STARD6: variants seen among roughly 807,000 people sequenced by gnomAD.
STARD6 encodes stAR-related lipid transfer protein 6.
A neutral mutation model predicts 22.3 loss-of-function variants in STARD6; 21 were observed. That is an observed-to-expected ratio of 0.94 (90% CI 0.67 to 1.35). The LOEUF (loss-of-function observed/expected upper bound fraction) is 1.35. Among genes scored for constraint, STARD6 ranks in the 40% most tolerant of loss-of-function variants. The pLI is 0.00. For synonymous variants in STARD6, 80 were observed against 88.1 expected, an observed-to-expected ratio of 0.91 and a Z score of 0.52; for missense variants, 269 against 266.9, an observed-to-expected ratio of 1.01 and a Z score of -0.05.
chr18:54,353,835 G>T, intron 4 of STARD6: 1 of 341,908 alleles, frequency 2.9e-6, no homozygotes. Context: ...GTAATTAGAA[G>T]AGATTTTTTA....
chr18:54,345,976 T>C (rs1262056080), intron 4 of STARD6, among the ~76,000 whole-genome samples: 1 of 152,136 alleles, frequency 6.6e-6, no homozygotes, highest in Non-Finnish European at 1.5e-5. Flanking sequence ...CATAAATTCT[T>C]AGGGATAAAT....
chr18:54,332,831 A>G (rs1277638369), intron 5 of STARD6, among the ~76,000 whole-genome samples: 1 of 152,090 alleles, frequency 6.6e-6, no homozygotes, highest in Non-Finnish European at 1.5e-5. Context: ...CTTGAGCCCA[A>G]GAGTTTGAGG....
At chr18:54,330,261 A>C (rs1446713746) in intron 6 of STARD6, among the ~76,000 whole-genome samples, 1 of 152,034 alleles carries the variant, frequency 6.6e-6, no homozygotes, top group Admixed American at 6.6e-5. Flanking sequence ...TTCCATTTTT[A>C]TGACTTATAT....
intron 4 of STARD6, among the ~76,000 whole-genome samples, chr18:54,340,335 T>C (rs1449900856): frequency 6.6e-6 from 1 of 152,158 alleles, no homozygotes; most frequent in Non-Finnish European, 1.5e-5. Context: ...TTTGTATACA[T>C]CTGCAGTAGA....
At chr18:54,340,441 G>T (rs1208747089) in intron 4 of STARD6, among the ~76,000 whole-genome samples, 3 of 151,990 alleles carry the variant, frequency 2.0e-5, no homozygotes, top group African/African-American at 7.2e-5. Context: ...AATTAAAGAT[G>T]ATACACTTGA....
At position 54,331,785 on chromosome 18, in the gene STARD6, T is replaced by C. The variant is rs1402973814; in HGVS notation, c.342A>G (p.Leu114=). The change falls in exon 6 of 8, where the codon TTA becomes TTG. Residue 114 remains leucine (L), a synonymous_variant. Coordinates refer to ENST00000307844, the MANE Select transcript of STARD6 (RefSeq NM_139171.2). The stretch of plus-strand genomic sequence containing the variant: ...TTCCTTCGTAGCGCTTGATGTACAC[T>C]AAGTCGATAAAGTCTCGAGGGGAAA... ...GSISPRDFID[L]VYIKRYEGNM... is the part of the protein sequence containing the mutation. 3.7e-6 allele frequency: 6 copies of C among 1,613,244 alleles called. No individual in the cohort carries two copies. Among genetic ancestry groups the C allele is most frequent in the Non-Finnish European group, 5.1e-6 (6 of 1,179,514 alleles).
At chr18:54,348,872 T>G (rs1422319711) in intron 4 of STARD6, among the ~76,000 whole-genome samples, 1 of 152,100 alleles carries the variant, frequency 6.6e-6, no homozygotes, top group Non-Finnish European at 1.5e-5. Flanking sequence ...AGAAAAGGCA[T>G]AAGTGTTGAA....
intron 4 of STARD6, among the ~76,000 whole-genome samples, chr18:54,346,834 T>C (rs1015788814): frequency 6.6e-6 from 1 of 152,084 alleles, no homozygotes; most frequent in African/African-American, 2.4e-5. Flanking sequence ...TGATCTCCTT[T>C]ATGACATGTC....
At chr18:54,337,521 T>C (rs2088927262) in intron 4 of STARD6, among the ~76,000 whole-genome samples, 1 of 152,222 alleles carries the variant, frequency 6.6e-6, no homozygotes, top group African/African-American at 2.4e-5. Flanking sequence ...AAACTTATAA[T>C]GGGATTTTTG....
chr18:54,343,988 G>A (rs1431118259), intron 4 of STARD6, among the ~76,000 whole-genome samples: 1 of 50,462 alleles, frequency 2.0e-5, no homozygotes, highest in Non-Finnish European at 3.3e-5. Context: ...TGCCCCGTCC[G>A]GGAGGTGAGG....
chr18:54,353,162 T>C (rs949410612), intron 4 of STARD6, among the ~76,000 whole-genome samples: 1 of 151,890 alleles, frequency 6.6e-6, no homozygotes, highest in Non-Finnish European at 1.5e-5. Flanking sequence ...TAAAATGAGG[T>C]AGTTGAAAGA....
intron 6 of STARD6, among the ~76,000 whole-genome samples, chr18:54,330,861 A>G (rs935419822): frequency 1.6e-4 from 25 of 152,258 alleles, no homozygotes; most frequent in African/African-American, 5.8e-4. Context: ...CAGTGAATAC[A>G]TTATATGTGC....
At chr18:54,335,934 T>C (rs914417730) in intron 5 of STARD6, among the ~76,000 whole-genome samples, 7 of 152,268 alleles carry the variant, frequency 4.6e-5, no homozygotes, top group African/African-American at 1.7e-4. Flanking sequence ...TCTTCATAAA[T>C]TACCCAGTCT....
chr18:54,332,413 CCAG>C (rs2088872710), intron 5 of STARD6, among the ~76,000 whole-genome samples: 1 of 152,164 alleles, frequency 6.6e-6, no homozygotes, highest in Non-Finnish European at 1.5e-5. Flanking sequence ...CTCAACAGGA[CCAG>C]CACAGTTACT....
intron 4 of STARD6, among the ~76,000 whole-genome samples, chr18:54,352,854 A>C (rs2144697581): frequency 6.6e-6 from 1 of 152,296 alleles, no homozygotes; most frequent in African/African-American, 2.4e-5. Flanking sequence ...ATAACTTCCA[A>C]GCTTTTAAAA....
At chr18:54,341,200 G>C (rs1424635813) in intron 4 of STARD6, among the ~76,000 whole-genome samples, 1 of 151,750 alleles carries the variant, frequency 6.6e-6, no homozygotes, top group East Asian at 1.9e-4. Context: ...GCTGGGACTA[G>C]AGGCGCCCGC....
At chr18:54,337,397 A>AAT in intron 4 of STARD6, 146 bp from the exon 5 acceptor site, 4 of 617,260 alleles carry the variant, frequency 6.5e-6, no homozygotes, top group Middle Eastern at 4.5e-4. Context: ...TCAATATATT[A>AAT]ATATTCAATT....
intron 4 of STARD6, among the ~76,000 whole-genome samples, chr18:54,349,172 A>T (rs1599309637): frequency 6.6e-6 from 1 of 152,178 alleles, no homozygotes; most frequent in African/African-American, 2.4e-5. Context: ...TGCTATGAAG[A>T]AGATAATAGC....
At chr18:54,352,293 ATCTC>A (rs2089105599) in intron 4 of STARD6, among the ~76,000 whole-genome samples, 1 of 152,092 alleles carries the variant, frequency 6.6e-6, no homozygotes, top group African/African-American at 2.4e-5. Context: ...TGGCTGTAAT[ATCTC>A]CCATTTCATT....
Sources: allele counts gnomAD v4.1 joint callset (sites outside exome capture counted in the v4.1 genomes callset), GRCh38; gene constraint gnomAD v4.1.1; transcripts MANE v1.5; gene names NCBI Gene and HGNC (gene_info 2026-07-23, HGNC 2026-07-21).